AHR: variants seen among roughly 807,000 people sequenced by gnomAD.
AHR encodes the protein aryl hydrocarbon receptor.
AHR carries 40 observed loss-of-function variants against 86.8 expected under a neutral mutation model. That is an observed-to-expected ratio of 0.46 (90% CI 0.36 to 0.60). The LOEUF (loss-of-function observed/expected upper bound fraction) is 0.60, where lower values mean the gene tolerates loss of function less well. AHR is among the 20% of genes least tolerant of loss of function. The pLI is 0.00. For synonymous variants in AHR, 398 were observed against 354.9 expected (o/e 1.12, Z -1.37); for missense variants, 1,001 against 1,011.6 (o/e 0.99, Z 0.14).
intron 1 of AHR, among the ~76,000 whole-genome samples, chr7:17,303,723 A>G (rs1291562786): frequency 6.6e-6 from 1 of 151,998 alleles, no homozygotes; most frequent in Admixed American, 6.6e-5. Context: ...GGACGTGTAA[A>G]TTTTAATGCA....
intron 8 of AHR, 146 bp from the exon 9 acceptor site, chr7:17,335,499 C>T: frequency 3.1e-6 from 2 of 641,850 alleles, no homozygotes; most frequent in Non-Finnish European, 2.4e-6. Context: ...ATTTCCATGC[C>T]TTTTATTATT....
At chr7:17,330,130 G>C in intron 5 of AHR, 55 bp downstream of exon 5, 2 of 1,551,576 alleles carry the variant, frequency 1.3e-6, no homozygotes, top group Non-Finnish European at 1.8e-6. Context: ...ATGAGTCTGT[G>C]AAAGGAGGCT....
chr7:17,339,433 C>T lies in AHR; in HGVS notation c.1608C>T (p.Asn536=). 1 of 1,614,170 alleles carries T rather than the reference C, an allele frequency of 6.2e-7. No homozygotes were observed. Among genetic ancestry groups the T allele is most frequent in the South Asian group, 1.1e-5 (1 of 91,084 alleles). ...GHPGLFQDSK[N]SDLYSIMKNL... The stretch of plus-strand genomic sequence containing the variant: ...CAGGGCTCTTTCAAGATAGTAAAAA[C>T]AGTGACTTGTACAGCATAATGAAAA... Residue 536 remains asparagine, a synonymous_variant, in exon 10 of 11, where the codon AAC becomes AAT. Transcript: ENST00000242057.
intron 2 of AHR, among the ~76,000 whole-genome samples, chr7:17,321,465 C>T (rs1584035339): frequency 6.6e-6 from 1 of 151,722 alleles, no homozygotes; most frequent in South Asian, 2.1e-4. Context: ...CTGTCAGTTA[C>T]CAATATCCAC....
chr7:17,327,803 CT>C lies in AHR; in HGVS notation c.409del (p.Tyr137MetfsTer10). 1 of 1,577,794 alleles carries C rather than the reference CT, an allele frequency of 6.3e-7. No individual in the cohort carries two copies. Among genetic ancestry groups the C allele is most frequent in the South Asian group, 1.2e-5 (1 of 85,190 alleles). On this transcript the variant is annotated frameshift_variant, in exon 4 of 11. Coordinates refer to ENST00000242057, the MANE Select transcript of AHR (RefSeq NM_001621.5). LOFTEE classifies it high-confidence loss of function. Reference protein sequence around the residue: ...VLVVTTDALVFYASSTIQDYL... With the variant: ...VLVVTTDALVXYASSTIQDYL... ...TAGTTGTCACTACAGATGCTTTGGTCTTTTATGCTTCTTCTACTATACAAGA... is the reference window on the plus strand; with the variant it reads ...TAGTTGTCACTACAGATGCTTTGGTCTTTATGCTTCTTCTACTATACAAGA...
chr7:17,328,796 T>C (rs2158041), intron 4 of AHR, among the ~76,000 whole-genome samples: 123,306 of 151,814 alleles, frequency 0.81, 50,642 homozygotes, highest in African/African-American at 0.94. Flanking sequence ...ATGCAACTTT[T>C]GGAAATTGTG....
intron 3 of AHR, among the ~76,000 whole-genome samples, chr7:17,327,031 T>C (rs1485785019): frequency 1.3e-5 from 2 of 151,984 alleles, no homozygotes. Flanking sequence ...AAAGAAACTA[T>C]AACATCCAAA....
Position 17,334,971 on chromosome 7 carries a change from T to G in AHR, c.993T>G (p.Leu331=), listed in dbSNP as rs190667274. The change falls in exon 8 of 11, where the codon CTT becomes CTG. Residue 331 remains leucine, a synonymous_variant. Coordinates refer to ENST00000242057, the MANE Select transcript of AHR (RefSeq NM_001621.5). Reference sequence around the variant, plus strand: ...AGTTTATTCATGCAGCTGATATGCTTTATTGTGCCGAGTCCCATATCCGAA... The same window carrying G: ...AGTTTATTCATGCAGCTGATATGCTGTATTGTGCCGAGTCCCATATCCGAA... ...GYQFIHAADM[L]YCAESHIRMI... 10 of 1,613,284 alleles carry G rather than the reference T, an allele frequency of 6.2e-6. No individual in the cohort carries two copies. The East Asian group carries it at 2.0e-4, about 32-fold the overall frequency.
intron 1 of AHR, among the ~76,000 whole-genome samples, chr7:17,300,173 G>A (rs957086404): frequency 2.6e-5 from 4 of 152,112 alleles, no homozygotes; most frequent in Non-Finnish European, 4.4e-5. Flanking sequence ...GTTGATTTTG[G>A]TGGAATATTT....
Position 17,322,499 on chromosome 7 carries a change from A to G in AHR, c.254-2A>G. On this transcript the variant is annotated splice_acceptor_variant, in intron 2 of 10. Transcript: ENST00000242057. LOFTEE classifies it high-confidence loss of function. ...ATCATTGTTTTTCCTTTTTTTCCAT[A>G]GTTGCATTAAAATCCTCCCCTACTG... 6.3e-7 allele frequency: 1 copy of G among 1,590,098 alleles called. No homozygotes were observed.
chr7:17,322,613 T>C lies in AHR; in HGVS notation c.360+6T>C. The C allele has an allele frequency of 6.5e-7, 1 of 1,548,304 alleles. No homozygotes were observed. Among genetic ancestry groups the C allele is most frequent in the Non-Finnish European group, 8.9e-7 (1 of 1,122,610 alleles). On this transcript the variant is annotated splice_donor_region_variant and intron_variant, in intron 3 of 10. Transcript: ENST00000242057. ...AAGGAGAATTCTTATTACAGGTAAA[T>C]TTTAGTAAATATAGTTTCTTACACT...
intron 1 of AHR, among the ~76,000 whole-genome samples, chr7:17,302,497 A>G (rs562614952): frequency 1.3e-5 from 2 of 152,156 alleles, no homozygotes; most frequent in African/African-American, 4.8e-5. Flanking sequence ...CTAAAATAAA[A>G]GAATGGGTCT....
intron 9 of AHR, among the ~76,000 whole-genome samples, chr7:17,337,223 G>C (rs1339975057): frequency 6.6e-6 from 1 of 151,822 alleles, no homozygotes; most frequent in Non-Finnish European, 1.5e-5. Flanking sequence ...ATGGATTTCA[G>C]TTTTTTTGAA....
At chr7:17,320,843 C>G (rs555731778) in intron 2 of AHR, among the ~76,000 whole-genome samples, 1 of 152,066 alleles carries the variant, frequency 6.6e-6, no homozygotes, top group Non-Finnish European at 1.5e-5. Flanking sequence ...GTTCTCTGGC[C>G]TTTTGAAGTT....
Position 17,299,346 on chromosome 7 carries a change from C to G in AHR, c.65+17C>G, listed in dbSNP as rs941593900. 1 of 1,610,850 alleles carries G rather than the reference C, an allele frequency of 6.2e-7. No homozygotes were observed. The highest frequency in any genetic ancestry group is 8.5e-7 in the Non-Finnish European group (1 of 1,179,020). On this transcript the variant is annotated intron_variant, in intron 1 of 10. Transcript: ENST00000242057. The stretch of plus-strand genomic sequence containing the variant: ...GCAGAAAACGTGAGTGTCCCGAGCG[C>G]GTCCTCATCGCGGGGGCTGGGCGCT...
chr7:17,305,672 T>C (rs1172060345), intron 1 of AHR, among the ~76,000 whole-genome samples: 1 of 152,168 alleles, frequency 6.6e-6, no homozygotes, highest in Non-Finnish European at 1.5e-5. Flanking sequence ...GGCAATCTCT[T>C]GTTAAAAAAC....
chr7:17,336,810 T>C (rs1584041880), intron 9 of AHR, among the ~76,000 whole-genome samples: 2 of 152,300 alleles, frequency 1.3e-5, no homozygotes, highest in East Asian at 3.9e-4. Context: ...GAAGGCACTT[T>C]TTTTAATTAG....
At chr7:17,325,984 C>A (rs1266727781) in intron 3 of AHR, among the ~76,000 whole-genome samples, 1 of 152,072 alleles carries the variant, frequency 6.6e-6, no homozygotes, top group Non-Finnish European at 1.5e-5. Context: ...AACCATGCAC[C>A]AATTTGGGAT....
chr7:17,312,145 T>G (rs949998159), intron 2 of AHR, among the ~76,000 whole-genome samples: 3 of 152,218 alleles, frequency 2.0e-5, no homozygotes, highest in Non-Finnish European at 4.4e-5. Flanking sequence ...AATGCTGTCC[T>G]GATCCCTAGC....
Sources: allele counts gnomAD v4.1 joint callset (sites outside exome capture counted in the v4.1 genomes callset), GRCh38; gene constraint gnomAD v4.1.1; transcripts MANE v1.5; gene names NCBI Gene and HGNC (gene_info 2026-07-23, HGNC 2026-07-21).